The following HDAC5 variants were observed in gnomAD, a reference collection of about 807,000 sequenced individuals.
HDAC5 encodes the protein histone deacetylase 5.
HDAC5 carries 25 observed loss-of-function variants against 133.3 expected under a neutral mutation model. The observed-to-expected ratio is 0.19, with a 90% CI of 0.14 to 0.26. The LOEUF (loss-of-function observed/expected upper bound fraction) is 0.26, where lower values mean the gene tolerates loss of function less well. Among genes scored for constraint, HDAC5 ranks in the 10% least tolerant of loss-of-function variants. The probability of loss-of-function intolerance (pLI) is 1.00; values close to 1 mark genes in which losing one functional copy is unlikely to be tolerated. For synonymous variants in HDAC5, 589 were observed against 610.8 expected, an observed-to-expected ratio of 0.96 and a Z score of 0.53; for missense variants, 1,041 against 1,460.5, an observed-to-expected ratio of 0.71 and a Z score of 4.68.
Position 44,080,582 on chromosome 17 carries a change from C to T in HDAC5, c.2728-84G>A, listed in dbSNP as rs2050344487. 8 of 1,499,392 alleles carry T rather than the reference C, an allele frequency of 5.3e-6. No homozygotes were observed. In the East Asian group the frequency reaches 9.0e-5, roughly 17 times the overall value. The allele number at this position is 1,499,392 out of a possible 1,614,324, so 92.9% of individuals were successfully genotyped here. A position where few individuals can be genotyped will look rare whatever the true frequency, so the allele number is the denominator to read the frequency against. ...CCTGCCCTCACCCCTGCCTCCAGAT[C>T]TCACTCCACTGACCTCTGCTCTGCC... is the stretch of plus-strand genomic sequence containing the variant. On this transcript the variant is annotated intron_variant, in intron 21 of 26. Transcript: ENST00000682912.
intron 1 of HDAC5, among the ~76,000 whole-genome samples, chr17:44,118,162 G>C (rs909535853): frequency 6.6e-6 from 1 of 152,210 alleles, no homozygotes; most frequent in African/African-American, 2.4e-5. Context: ...ACTTCTAGGG[G>C]TCTTCTCCCG....
intron 3 of HDAC5, among the ~76,000 whole-genome samples, chr17:44,096,817 G>T (rs1392523803): frequency 6.6e-6 from 1 of 151,436 alleles, no homozygotes; most frequent in Non-Finnish European, 1.5e-5. Context: ...CGCCTCCTGG[G>T]TTCAAGCAAT....
chr17:44,122,651 C>A (rs1479697527), intron 1 of HDAC5, among the ~76,000 whole-genome samples: 1 of 152,170 alleles, frequency 6.6e-6, no homozygotes, highest in Non-Finnish European at 1.5e-5. Context: ...TCAACAGCCC[C>A]CACCAAGCTC....
chr17:44,083,701 C>T (rs1462645383), intron 17 of HDAC5, 49 bp from the exon 18 acceptor site: 4 of 1,588,190 alleles, frequency 2.5e-6, no homozygotes, highest in East Asian at 2.2e-5. Context: ...AGGGCAAGAA[C>T]AGGGGAGGGC....
At chr17:44,084,908 C>A (rs2050577319) in intron 15 of HDAC5, 114 bp downstream of exon 15, 15 of 1,419,818 alleles carry the variant, frequency 1.1e-5, no homozygotes, top group Non-Finnish European at 1.4e-5. Context: ...AGAACTGGCC[C>A]CGAAGTCTGG....
rs933740503 is a variant in HDAC5 at position 44,110,742 on chromosome 17, G to A, written c.81C>T (p.Ser27=). Residue 27 remains serine (S), a synonymous_variant, in exon 3 of 27, where the codon AGC becomes AGT. Coordinates refer to ENST00000682912, the MANE Select transcript of HDAC5 (RefSeq NM_005474.5). ...CAAGGCACTTACCTGTCACAGGGAT[G>A]CTGTGCAGAGAAGTCCGCGGCAGGA... The part of the protein sequence containing the change: ...LEILPRTSLH[S]IPVTVEVKPV... 6 of 1,613,538 alleles carry A rather than the reference G, an allele frequency of 3.7e-6. No individual in the cohort carries two copies. The African/African-American group carries it at 6.7e-5, about 18-fold the overall frequency.
At chr17:44,115,195 G>A (rs1461560932) in intron 2 of HDAC5, among the ~76,000 whole-genome samples, 2 of 152,236 alleles carry the variant, frequency 1.3e-5, no homozygotes, top group Admixed American at 6.5e-5. Flanking sequence ...GGACTTGAGG[G>A]GAACCAGAAG....
rs2143087551 is a variant in HDAC5 at position 44,083,452 on chromosome 17, C to A, written c.2463+93G>T. The A allele has an allele frequency of 4.8e-6, 4 of 840,780 alleles. No individual in the cohort carries two copies. The South Asian group carries it at 6.2e-5, about 13-fold the overall frequency. The allele number at this position is 840,780 out of a possible 1,614,324, so 52.1% of individuals were successfully genotyped here. On this transcript the variant is annotated intron_variant, in intron 18 of 26. Coordinates refer to ENST00000682912, the MANE Select transcript of HDAC5 (RefSeq NM_005474.5). Reference sequence around the variant, plus strand: ...AGAGTTGAGCTTGCAAAGGACAGTGCCTCACTGAAAGGATCCCAAGGCTGC... The same window carrying A: ...AGAGTTGAGCTTGCAAAGGACAGTGACTCACTGAAAGGATCCCAAGGCTGC...
At chr17:44,111,549 C>A (rs2052345564) in intron 2 of HDAC5, 1 of 506,808 alleles carries the variant, frequency 2.0e-6, no homozygotes, top group Non-Finnish European at 3.9e-6. Context: ...GACCAAGAAG[C>A]CAGACTCAAG....
Position 44,092,716 on chromosome 17 carries a change from C to A in HDAC5, c.732G>T (p.Gly244=). The A allele has an allele frequency of 6.7e-7, 1 of 1,503,730 alleles. No homozygotes were observed. Among genetic ancestry groups the A allele is most frequent in the Non-Finnish European group, 8.9e-7 (1 of 1,125,722 alleles). 93.1% of individuals were successfully genotyped at this position (1,503,730 alleles called of 1,614,324 possible). A position where few individuals can be genotyped will look rare whatever the true frequency, so the allele number is the denominator to read the frequency against. ...GGAAGTCGTCTCGACTGTCGTAGGG[C>A]CCAGGCAAAGGCAGTTTGTAGGAGG... ...TPPSYKLPLP[G]PYDSRDDFPL... Residue 244 remains glycine, a synonymous_variant, in exon 7 of 27, where the codon GGG becomes GGT. Coordinates refer to ENST00000682912, the MANE Select transcript of HDAC5 (RefSeq NM_005474.5).
chr17:44,097,630 T>C (rs2051351263), intron 3 of HDAC5, among the ~76,000 whole-genome samples: 1 of 152,242 alleles, frequency 6.6e-6, no homozygotes, highest in Non-Finnish European at 1.5e-5. Context: ...TTAGTCAAGC[T>C]TGGCTTGGCC....
chr17:44,084,769 G>A (rs1012713714), intron 15 of HDAC5, 94 bp from the exon 16 acceptor site: 2 of 1,478,078 alleles, frequency 1.4e-6, no homozygotes, highest in Non-Finnish European at 1.8e-6. Context: ...CCACTTCCTG[G>A]CCTCAGGAGA....
chr17:44,094,907 C>T (rs1039081900), intron 3 of HDAC5, among the ~76,000 whole-genome samples: 3 of 152,062 alleles, frequency 2.0e-5, no homozygotes, highest in Non-Finnish European at 4.4e-5. Flanking sequence ...GCAACCCTCC[C>T]ACCTCAGCTT....
At chr17:44,087,967 C>G (rs967629886) in intron 12 of HDAC5, among the ~76,000 whole-genome samples, 1 of 152,176 alleles carries the variant, frequency 6.6e-6, no homozygotes, top group African/African-American at 2.4e-5. Context: ...CCTCAGCCTC[C>G]CCAGTGACTG....
At chr17:44,099,710 G>A (rs1222730730) in intron 3 of HDAC5, among the ~76,000 whole-genome samples, 1 of 152,070 alleles carries the variant, frequency 6.6e-6, no homozygotes, top group Non-Finnish European at 1.5e-5. Context: ...TCCTGACCTC[G>A]TGATCTGCCC....
In HDAC5 at chr17:44,092,220, G is replaced by A. The variant is rs771111691; in HGVS notation, c.984C>T (p.Thr328=). 2 of 1,614,096 alleles carry A rather than the reference G, an allele frequency of 1.2e-6. No homozygotes were observed. Among genetic ancestry groups the A allele is most frequent in the Non-Finnish European group, 8.5e-7 (1 of 1,179,998 alleles). Residue 328 remains threonine (T), a synonymous_variant, in exon 9 of 27, where the codon ACC becomes ACT. Coordinates refer to ENST00000682912, the MANE Select transcript of HDAC5 (RefSeq NM_005474.5). ...GPSSPNSSHS[T]IAENGFTGSV... Reference sequence around the variant, plus strand: ...AGCCAGTAAAGCCATTCTCAGCGATGGTGCTGTGGGAGCTGTTGGGAGAGC... The same window carrying A: ...AGCCAGTAAAGCCATTCTCAGCGATAGTGCTGTGGGAGCTGTTGGGAGAGC...
In HDAC5 at chr17:44,081,020, G is replaced by A. The variant is rs1410540330; in HGVS notation, c.2608-138C>T. The A allele has an allele frequency of 2.6e-6, 3 of 1,157,414 alleles. No homozygotes were observed. The African/African-American group carries it at 4.5e-5, about 18-fold the overall frequency. 71.7% of individuals were successfully genotyped at this position (1,157,414 alleles called of 1,614,324 possible). A position where few individuals can be genotyped will look rare whatever the true frequency, so the allele number is the denominator to read the frequency against. On this transcript the variant is annotated intron_variant, in intron 20 of 26. Transcript: ENST00000682912. Reference sequence around the variant, plus strand: ...AGGCTGAGGGCTGGGAGGATCGCTTGAGCCCAGGACTCCACCCTTGGCCAC... The same window carrying A: ...AGGCTGAGGGCTGGGAGGATCGCTTAAGCCCAGGACTCCACCCTTGGCCAC...
At chr17:44,096,791 GTC>G (rs1181041271) in intron 3 of HDAC5, among the ~76,000 whole-genome samples, 1 of 145,710 alleles carries the variant, frequency 6.9e-6, no homozygotes, top group East Asian at 2.0e-4. Context: ...TTTAGATGGA[GTC>G]TCACTGCAAC....
chr17:44,108,751 CAAAAAAAAAACAAA>C (rs763706006), intron 3 of HDAC5, among the ~76,000 whole-genome samples: 2 of 56,944 alleles, frequency 3.5e-5, no homozygotes. Context: ...TTCCAGAGTC[CAAAAAAAAAACAAA>C]AAAAAAACAA....
Sources: allele counts gnomAD v4.1 joint callset (sites outside exome capture counted in the v4.1 genomes callset), GRCh38; gene constraint gnomAD v4.1.1; transcripts MANE v1.5; gene names NCBI Gene and HGNC (gene_info 2026-07-23, HGNC 2026-07-21).